The following NUDT5 variants were observed in gnomAD, a reference collection of about 807,000 sequenced individuals.
NUDT5 encodes ADP-sugar pyrophosphatase.
In NUDT5, 21 loss-of-function variants were observed where a neutral mutation model predicts 34.1. The observed-to-expected ratio is 0.62, with a 90% CI of 0.44 to 0.89. NUDT5 has a LOEUF of 0.89. Among genes scored for constraint, NUDT5 ranks in the 40% least tolerant of loss-of-function variants. NUDT5 has a pLI of 0.00. For missense variants in NUDT5, 249 were observed against 274.8 expected, an observed-to-expected ratio of 0.91 and a Z score of 0.66; for synonymous variants, 85 against 97.6, an observed-to-expected ratio of 0.87 and a Z score of 0.76.
At chr10:12,184,600 C>T (rs1328983808) in intron 3 of NUDT5, 10 of 1,383,200 alleles carry the variant, frequency 7.2e-6, no homozygotes, top group Non-Finnish European at 8.9e-6. Flanking sequence ...ATTCTGTCAC[C>T]TTATCAGCTT....
intron 1 of NUDT5, among the ~76,000 whole-genome samples, 197 bp from the exon 2 acceptor site, chr10:12,186,529 G>A (rs1265703520): frequency 6.6e-6 from 1 of 152,148 alleles, no homozygotes; most frequent in Non-Finnish European, 1.5e-5. Flanking sequence ...GGAAGTGACA[G>A]CAGTCCTAGT....
At position 12,168,593 on chromosome 10, in the gene NUDT5, C is replaced by T. The variant is rs1196613618; in HGVS notation, c.551-782G>A. On this transcript the variant is annotated intron_variant, in intron 9 of 9. Coordinates refer to ENST00000491614, the MANE Select transcript of NUDT5 (RefSeq NM_014142.4). The surrounding 1 kb of genome is among the most constrained non-coding windows in gnomAD (Gnocchi z 4.8). ...CAGGCTTTCATTAAAATTTGTTTCA[C>T]TCAGATGGAGGTTGCCAGATGTAAA... Among the ~76,000 whole-genome samples the T allele has an allele frequency of 6.6e-6, 1 of 152,158 alleles. No homozygotes were observed. The highest frequency in any genetic ancestry group is 1.9e-4 in the East Asian group (1 of 5,200).
chr10:12,177,905 C>T lies in NUDT5; in HGVS notation c.182-5G>A. The T allele has an allele frequency of 7.4e-6, 12 of 1,611,558 alleles. No individual in the cohort carries two copies. The highest frequency in any genetic ancestry group is 1.0e-5 in the Non-Finnish European group (12 of 1,177,764). ...GCACGGGGATGACCGCGACACCTGT[C>T]ACCAGGAAATGGAACCAAGGAAATC... On this transcript the variant is annotated splice_region_variant and splice_polypyrimidine_tract_variant and intron_variant, in intron 4 of 9. Transcript: ENST00000491614.
rs1834779726 is a variant in NUDT5, at chr10:12,168,866, G to A, written c.551-1055C>T. On this transcript the variant is annotated intron_variant, in intron 9 of 9. Transcript: ENST00000491614. This position sits in a 1 kb window ranked among gnomAD's most constrained non-coding sequence, Gnocchi z 4.8. ...CAACCTGCGCCTCCCGGGTTCAAGC[G>A]ATTCTCCTGCCCCAGCCTCCTGAGT... Among the ~76,000 whole-genome samples, 1 of 152,004 alleles carries A rather than the reference G, an allele frequency of 6.6e-6. No individual in the cohort carries two copies. Among genetic ancestry groups the A allele is most frequent in the African/African-American group, 2.4e-5 (1 of 41,374 alleles).
chr10:12,177,485 C>G (rs1253533925), intron 5 of NUDT5, among the ~76,000 whole-genome samples: 4 of 152,230 alleles, frequency 2.6e-5, no homozygotes, highest in African/African-American at 4.8e-5. Context: ...TGCCACTGCA[C>G]TCCAGCCTGG....
chr10:12,176,372 G>A (rs539018519), intron 5 of NUDT5, among the ~76,000 whole-genome samples: 107 of 152,198 alleles, frequency 7.0e-4, no homozygotes, highest in African/African-American at 2.5e-3. Flanking sequence ...GAGAGGCCAA[G>A]GTGGGTGGAT....
chr10:12,173,707 G>C lies in NUDT5; in HGVS notation c.385+11C>G, dbSNP rs1476382734. On this transcript the variant is annotated intron_variant, in intron 6 of 9. Coordinates refer to ENST00000491614, the MANE Select transcript of NUDT5 (RefSeq NM_014142.4). This position sits in a 1 kb window ranked among gnomAD's most constrained non-coding sequence, Gnocchi z 4.7. ...AATCCATCACTTGGTGAATTTTCAA[G>C]CAATACCAACCTGGAGAACATTCGG... 6.2e-7 allele frequency: 1 copy of C among 1,602,258 alleles called. No individual in the cohort carries two copies. The highest frequency in any genetic ancestry group is 1.7e-5 in the Admixed American group (1 of 59,974).
At position 12,170,061 on chromosome 10, in the gene NUDT5, C is replaced by T. The variant is rs1834821545; in HGVS notation, c.550+656G>A. The T allele has an allele frequency of 2.5e-6, 4 of 1,576,576 alleles. No homozygotes were observed. Among genetic ancestry groups the T allele is most frequent in the African/African-American group, 1.3e-5 (1 of 74,376 alleles). On this transcript the variant is annotated intron_variant, in intron 9 of 9. Coordinates refer to ENST00000491614, the MANE Select transcript of NUDT5 (RefSeq NM_014142.4). This position sits in a 1 kb window ranked among gnomAD's most constrained non-coding sequence, Gnocchi z 4.9. ...ATGTCTCCATACAGTATCTCCTCGT[C>T]TCCACACAGTATCTCCTCATGTCTC...
At chr10:12,186,785 G>A (rs1835138188) in intron 1 of NUDT5, among the ~76,000 whole-genome samples, 1 of 150,802 alleles carries the variant, frequency 6.6e-6, no homozygotes, top group South Asian at 2.1e-4. Context: ...ACATCACCAG[G>A]CCTGGTAATT....
At chr10:12,189,850 A>G (rs1490822427) in intron 1 of NUDT5, among the ~76,000 whole-genome samples, 3 of 152,000 alleles carry the variant, frequency 2.0e-5, no homozygotes, top group Non-Finnish European at 4.4e-5. Context: ...CAATATGTGT[A>G]TGGTATGAAA....
chr10:12,189,200 G>T (rs925854922), intron 1 of NUDT5, among the ~76,000 whole-genome samples: 2 of 152,144 alleles, frequency 1.3e-5, no homozygotes, highest in African/African-American at 4.8e-5. Flanking sequence ...CTGCCTCACG[G>T]ATTCAAGCGA....
chr10:12,183,144 A>G (rs1440672795), intron 3 of NUDT5, among the ~76,000 whole-genome samples: 1 of 152,250 alleles, frequency 6.6e-6, no homozygotes, highest in Non-Finnish European at 1.5e-5. Context: ...TTGGGTTCCA[A>G]CCTCTCTATA....
intron 3 of NUDT5, chr10:12,184,658 G>A (rs932795949): frequency 1.8e-5 from 15 of 829,052 alleles, no homozygotes; most frequent in Non-Finnish European, 2.8e-5. Flanking sequence ...GTCTACTTAG[G>A]GAGAATGGTA....
chr10:12,185,923 T>C (rs1242636981), intron 2 of NUDT5, among the ~76,000 whole-genome samples: 3 of 152,208 alleles, frequency 2.0e-5, no homozygotes, highest in African/African-American at 7.2e-5. Context: ...CAACTACATA[T>C]GAAATATCTG....
rs370188668 is a variant in NUDT5 at position 12,185,960 on chromosome 10, T to A, written c.63+269A>T. 1.4e-4 allele frequency among the ~76,000 whole-genome samples: 22 copies of A among 152,332 alleles called. No homozygotes were observed. The East Asian group carries it at 3.3e-3, about 23-fold the overall frequency. ...GTCCGCAAATGCATATATTCTTTCT[T>A]CTTCTATCTAGGGAAATACAGGAAG... On this transcript the variant is annotated intron_variant, in intron 2 of 9. Transcript: ENST00000491614.
chr10:12,191,839 TAAC>T (rs1263499906), intron 1 of NUDT5, among the ~76,000 whole-genome samples: 7 of 152,200 alleles, frequency 4.6e-5, no homozygotes, highest in Non-Finnish European at 5.9e-5. Flanking sequence ...CCAGTATTAG[TAAC>T]AACAGCTGCA....
At position 12,171,786 on chromosome 10, in the gene NUDT5, G is replaced by A. The variant is rs1052427049; in HGVS notation, c.488-878C>T. On this transcript the variant is annotated intron_variant, in intron 7 of 9. Transcript: ENST00000491614. This position sits in a 1 kb window ranked among gnomAD's most constrained non-coding sequence, Gnocchi z 4.2. ...GTTGCCCGGGCTGGAGTGCAGTGGT[G>A]TGATCTTGACTCACTGCAACCTCCG... Among the ~76,000 whole-genome samples, 5 of 151,532 alleles carry A rather than the reference G, an allele frequency of 3.3e-5. No individual in the cohort carries two copies. The highest frequency in any genetic ancestry group is 1.2e-4 in the African/African-American group (5 of 41,192).
At chr10:12,177,633 T>C (rs761355958) in intron 5 of NUDT5, among the ~76,000 whole-genome samples, 160 bp downstream of exon 5, 4 of 152,116 alleles carry the variant, frequency 2.6e-5, no homozygotes, top group Admixed American at 6.6e-5. Context: ...GTTGTTGGGG[T>C]GTCCTGGGGG....
Position 12,170,809 on chromosome 10 carries a change from C to A in NUDT5, c.497-39G>T. The A allele has an allele frequency of 6.2e-7, 1 of 1,613,564 alleles. No individual in the cohort carries two copies. The highest frequency in any genetic ancestry group is 8.5e-7 in the Non-Finnish European group (1 of 1,179,504). On this transcript the variant is annotated intron_variant, in intron 8 of 9. Transcript: ENST00000491614. This position sits in a 1 kb window ranked among gnomAD's most constrained non-coding sequence, Gnocchi z 4.9. ...GTGCAAGTGAAAACAAAGCTAACGT[C>A]AAGAGCCTACCAAAACAACCCAAAA...
Sources: gnomAD v4.1 joint callset for allele counts (sites outside exome capture counted in the v4.1 genomes callset) on GRCh38, gnomAD v4.1.1 for gene constraint, Gnocchi (gnomAD v3.1) non-coding constraint, MANE v1.5 for transcripts, NCBI Gene and HGNC (gene_info 2026-07-23, HGNC 2026-07-21) for gene names.